ZNF333: variants seen among roughly 807,000 people sequenced by gnomAD.
ZNF333 encodes the protein zinc finger protein 333.
Under a neutral mutation model 76.1 loss-of-function variants are expected in ZNF333, and 61 were observed. The observed-to-expected ratio is 0.80, with a 90% CI of 0.65 to 0.99. The LOEUF (loss-of-function observed/expected upper bound fraction) is 0.99. Ranked by LOEUF, ZNF333 falls within the 50% of genes least tolerant of loss-of-function variation. The pLI, the probability that ZNF333 is intolerant of heterozygous loss-of-function variation, is 0.00. For missense variants in ZNF333, 717 were observed against 822.4 expected (o/e 0.87, Z 1.57); for synonymous variants, 284 against 305.0 (o/e 0.93, Z 0.72).
chr19:14,698,467 C>A (rs1273490923), intron 4 of ZNF333, among the ~76,000 whole-genome samples: 2 of 151,622 alleles, frequency 1.3e-5, no homozygotes, highest in Non-Finnish European at 2.9e-5. Context: ...ATTGCTTGAA[C>A]CTGGGAGGTG....
At chr19:14,706,637 C>A in intron 6 of ZNF333, 49 bp from the exon 7 acceptor site, 1 of 1,467,404 alleles carries the variant, frequency 6.8e-7, no homozygotes, top group Non-Finnish European at 9.6e-7. Context: ...GTGTGAGTGG[C>A]CCCCTCAGCT....
intron 8 of ZNF333, 106 bp downstream of exon 8, chr19:14,715,576 CT>C (rs1434461903): frequency 9.5e-7 from 1 of 1,057,910 alleles, no homozygotes; most frequent in Non-Finnish European, 1.4e-6. Flanking sequence ...GGTCTCCATG[CT>C]TTCAGGGACT....
intron 6 of ZNF333, among the ~76,000 whole-genome samples, chr19:14,705,496 AG>A (rs1482327591): frequency 6.6e-6 from 1 of 152,198 alleles, no homozygotes; most frequent in East Asian, 1.9e-4. Context: ...AGGAACTGGC[AG>A]GTCCTATGAC....
At chr19:14,698,919 T>TAG (rs1175707029) in intron 4 of ZNF333, among the ~76,000 whole-genome samples, 23 of 123,628 alleles carry the variant, frequency 1.9e-4, no homozygotes, top group African/African-American at 6.6e-4. Flanking sequence ...TATATATATA[T>TAG]ATATATATAT....
chr19:14,719,926 C>G lies in ZNF333; in HGVS notation c.*601C>G. ...CCCGGCTGGGCACGGTGGCTCATGC[C>G]TCTAATCCCAGCACTTTGGGAGGCT... On this transcript the variant is annotated 3_prime_UTR_variant, in exon 12 of 12. Transcript: ENST00000292530. The G allele has an allele frequency of 1.0e-6, 1 of 985,340 alleles. No homozygotes were observed. The highest frequency in any genetic ancestry group is 4.7e-5 in the South Asian group (1 of 21,278). The allele number at this position is 985,340 out of a possible 1,614,324, so 61.0% of individuals were successfully genotyped here.
At chr19:14,706,595 A>T (rs955085520) in intron 6 of ZNF333, 91 bp from the exon 7 acceptor site, 2 of 960,214 alleles carry the variant, frequency 2.1e-6, no homozygotes, top group African/African-American at 3.3e-5. Flanking sequence ...CCAAAGCAGG[A>T]TCAAATATGC....
intron 11 of ZNF333, 94 bp from the exon 12 acceptor site, chr19:14,718,134 T>C (rs1410400277): frequency 7.4e-6 from 11 of 1,487,424 alleles, no homozygotes; most frequent in South Asian, 1.4e-5. Context: ...GTATCAGATA[T>C]AGAACTGTCT....
intron 9 of ZNF333, among the ~76,000 whole-genome samples, chr19:14,716,762 C>T (rs1438673025): frequency 6.6e-6 from 1 of 152,190 alleles, no homozygotes; most frequent in African/African-American, 2.4e-5. Context: ...AAAGGTATTC[C>T]TTAGCTAGGC....
chr19:14,730,736 G>GATGCA (rs1360658267), intron 11 of ZNF333, among the ~76,000 whole-genome samples: 1 of 151,728 alleles, frequency 6.6e-6, no homozygotes, highest in Non-Finnish European at 1.5e-5. Context: ...TGATGCTGAG[G>GATGCA]TTTGGGGTAC....
intron 6 of ZNF333, chr19:14,706,177 G>A (rs549135323): frequency 2.2e-6 from 1 of 457,378 alleles, no homozygotes; most frequent in Admixed American, 2.3e-5. Context: ...ACAGGCACCT[G>A]GGCTCCACCC....
At position 14,717,081 on chromosome 19, in the gene ZNF333, C is replaced by T; in HGVS notation, c.815C>T (p.Thr272Ile). Residue 272 changes from threonine to isoleucine, a missense_variant, in exon 10 of 12, where the codon ACC becomes ATC. Physicochemically the swap from Thr to Ile is moderately conservative, Grantham distance 89 (BLOSUM62 -1). Coordinates refer to ENST00000292530, the MANE Select transcript of ZNF333 (RefSeq NM_032433.4). ...WTTDRGVLSD[T>I]CAEPQCQPQE... ...ACTGACAGGGGCGTCCTCTCAGACA[C>T]CTGTGCAGGTGAGCCCAGGCAGATC... 2 of 1,605,576 alleles carry T rather than the reference C, an allele frequency of 1.2e-6. No homozygotes were observed. Among genetic ancestry groups the T allele is most frequent in the South Asian group, 1.1e-5 (1 of 89,552 alleles).
intron 6 of ZNF333, 162 bp from the exon 7 acceptor site, chr19:14,706,524 A>G: frequency 1.5e-6 from 1 of 671,376 alleles, no homozygotes; most frequent in Non-Finnish European, 2.6e-6. Context: ...CTTTGTATTT[A>G]AGGATTGGGT....
At chr19:14,705,288 G>A in intron 6 of ZNF333, 118 bp downstream of exon 6, 1 of 845,370 alleles carries the variant, frequency 1.2e-6, no homozygotes. Context: ...GCCTGTAGGA[G>A]GCCCAGGCTG....
Position 14,718,438 on chromosome 19 carries a change from T to G in ZNF333, c.1111T>G (p.Cys371Gly). The G allele has an allele frequency of 6.2e-7, 1 of 1,614,132 alleles. No individual in the cohort carries two copies. The highest frequency in any genetic ancestry group is 1.3e-5 in the African/African-American group (1 of 75,028). Residue 371 changes from cysteine (C) to glycine (G), a missense_variant, in exon 12 of 12, where the codon TGT (cysteine) becomes GGT (glycine). By Grantham distance (159) the Cys-to-Gly change is radical. Transcript: ENST00000292530. ...SGDKSYACNKCEKSFRYSSDL... is the reference protein window; with the variant it reads ...SGDKSYACNKGEKSFRYSSDL... ...GGATAAATCCTATGCATGTAACAAA[T>G]GTGAAAAATCCTTCAGATACAGCTC...
At chr19:14,700,957 T>G (rs2041939518) in intron 5 of ZNF333, among the ~76,000 whole-genome samples, 1 of 152,196 alleles carries the variant, frequency 6.6e-6, no homozygotes, top group African/African-American at 2.4e-5. Context: ...CTCAACCCTG[T>G]GCAGCTTGGT....
chr19:14,699,419 T>C, intron 5 of ZNF333, 138 bp downstream of exon 5: 1 of 712,396 alleles, frequency 1.4e-6, no homozygotes, highest in Non-Finnish European at 2.4e-6. Context: ...CTGAGGGGAG[T>C]GCCTGTGACT....
At chr19:14,701,042 A>G (rs2041943211) in intron 5 of ZNF333, among the ~76,000 whole-genome samples, 1 of 151,384 alleles carries the variant, frequency 6.6e-6, no homozygotes, top group African/African-American at 2.4e-5. Flanking sequence ...AGCCCTCCTC[A>G]CTCCCCAGGC....
chr19:14,717,626 G>T, intron 10 of ZNF333, 31 bp from the exon 11 acceptor site: 1 of 1,596,500 alleles, frequency 6.3e-7, no homozygotes, highest in Non-Finnish European at 8.6e-7. Flanking sequence ...TTCTCTGTGT[G>T]CTTAACTTTT....
At chr19:14,705,993 T>C (rs1568538166) in intron 6 of ZNF333, 8 of 426,802 alleles carry the variant, frequency 1.9e-5, no homozygotes, top group Non-Finnish European at 9.5e-6. Context: ...GTCCCTGCCC[T>C]GTTCCCTCCC....
Sources: allele counts gnomAD v4.1 joint callset (sites outside exome capture counted in the v4.1 genomes callset), GRCh38; gene constraint gnomAD v4.1.1; transcripts MANE v1.5; gene names NCBI Gene and HGNC (gene_info 2026-07-23, HGNC 2026-07-21).